The following RBFOX1 variants were observed in gnomAD, a reference collection of about 807,000 sequenced individuals.
The protein encoded by RBFOX1 is RNA binding fox-1 homolog 1, also known as RNA binding protein fox-1 homolog 1.
RBFOX1 carries 8 observed loss-of-function variants against 57.7 expected under a neutral mutation model. That is an observed-to-expected ratio of 0.14 (90% confidence interval 0.08 to 0.25). The LOEUF (loss-of-function observed/expected upper bound fraction) is 0.25, where lower values mean the gene tolerates loss of function less well. Ranked by LOEUF, RBFOX1 falls within the 10% of genes least tolerant of loss-of-function variation. RBFOX1 has a pLI of 1.00. For synonymous variants in RBFOX1, 326 were observed against 222.4 expected, an observed-to-expected ratio of 1.47 and a Z score of -4.15; for missense variants, 611 against 548.5, an observed-to-expected ratio of 1.11 and a Z score of -1.14.
intron 3 of RBFOX1, among the ~76,000 whole-genome samples, chr16:5,810,875 G>GTTTAGAAAAAAAAA (rs1298654070): frequency 6.6e-6 from 1 of 152,142 alleles, no homozygotes; most frequent in African/African-American, 2.4e-5. Flanking sequence ...AAATTATTAA[G>GTTTAGAAAAAAAAA]TTATGATTGG....
chr16:6,073,527 T>C (rs1042796197), intron 1 of RBFOX1, among the ~76,000 whole-genome samples: 2 of 152,228 alleles, frequency 1.3e-5, no homozygotes, highest in South Asian at 2.1e-4. Context: ...AAAATACGTG[T>C]AGCATGTTGA....
At chr16:6,813,263 C>T (rs1004873831) in intron 3 of RBFOX1, among the ~76,000 whole-genome samples, 8 of 152,168 alleles carry the variant, frequency 5.3e-5, no homozygotes, top group African/African-American at 1.7e-4. Context: ...TATTCCAGTT[C>T]TTTCTGGCAG....
At chr16:6,698,947 C>G (rs573677541) in intron 3 of RBFOX1, among the ~76,000 whole-genome samples, 1 of 152,256 alleles carries the variant, frequency 6.6e-6, no homozygotes, top group East Asian at 1.9e-4. Flanking sequence ...CGTACGAAGA[C>G]TCTAGAACAA....
intron 4 of RBFOX1, among the ~76,000 whole-genome samples, chr16:7,106,040 C>G (rs1374965453): frequency 2.6e-5 from 4 of 152,190 alleles, no homozygotes; most frequent in Non-Finnish European, 5.9e-5. Flanking sequence ...GTTCATGGGA[C>G]TGACAGTTCT....
chr16:5,867,149 CAT>C (rs1491360809), intron 3 of RBFOX1, among the ~76,000 whole-genome samples: 3 of 126,790 alleles, frequency 2.4e-5, no homozygotes, highest in African/African-American at 3.5e-5. Flanking sequence ...GAAGAAAATG[CAT>C]GTGTGTGTGT....
At chr16:5,856,187 C>CTCTCTATATATATA (rs1430331422) in intron 3 of RBFOX1, among the ~76,000 whole-genome samples, 3 of 31,068 alleles carry the variant, frequency 9.7e-5, no homozygotes, top group Non-Finnish European at 1.1e-4. Context: ...CTCTCTCTCT[C>CTCTCTATATATATA]TATATATATA....
chr16:6,104,377 C>T (rs1225270460), intron 1 of RBFOX1, among the ~76,000 whole-genome samples: 1 of 152,086 alleles, frequency 6.6e-6, no homozygotes, highest in Non-Finnish European at 1.5e-5. Context: ...AGTCAAGTGA[C>T]ACTATCTTGG....
At chr16:7,332,478 T>C (rs2096710982) in intron 4 of RBFOX1, among the ~76,000 whole-genome samples, 1 of 152,216 alleles carries the variant, frequency 6.6e-6, no homozygotes, top group Non-Finnish European at 1.5e-5. Context: ...TGCCAAACGT[T>C]GCCCACATTA....
At chr16:5,974,533 C>T (rs2060024142) in intron 4 of RBFOX1, among the ~76,000 whole-genome samples, 1 of 152,010 alleles carries the variant, frequency 6.6e-6, no homozygotes, top group African/African-American at 2.4e-5. Flanking sequence ...TCACTCGAAC[C>T]CGGGAGGCGG....
chr16:7,495,143 T>A (rs1001410224), intron 4 of RBFOX1, among the ~76,000 whole-genome samples: 1 of 152,196 alleles, frequency 6.6e-6, no homozygotes, highest in African/African-American at 2.4e-5. Context: ...TGCAAAGACA[T>A]GATTTCATTC....
intron 3 of RBFOX1, among the ~76,000 whole-genome samples, chr16:5,745,432 A>T (rs545272020): frequency 6.6e-6 from 1 of 152,290 alleles, no homozygotes; most frequent in African/African-American, 2.4e-5. Flanking sequence ...TAGCAGCATG[A>T]TTTACAATCC....
At position 7,633,675 on chromosome 16, in the gene RBFOX1, G is replaced by C. The variant is rs12598550; in HGVS notation, c.757+2992G>C. On this transcript the variant is annotated intron_variant, in intron 11 of 15. Transcript: ENST00000550418. ...CAAGGGCATTCAGATGGTCAATCTCGATTAGTATTTTGTAATGGTGACCAA... is the reference window on the plus strand; with the variant it reads ...CAAGGGCATTCAGATGGTCAATCTCCATTAGTATTTTGTAATGGTGACCAA... Among the ~76,000 whole-genome samples the C allele has an allele frequency of 3.3e-5, 5 of 152,158 alleles. No homozygotes were observed. In the East Asian group the frequency reaches 9.7e-4, roughly 29 times the overall value.
chr16:7,550,389 C>A (rs1452387197), intron 5 of RBFOX1, among the ~76,000 whole-genome samples: 2 of 152,056 alleles, frequency 1.3e-5, no homozygotes, highest in African/African-American at 4.8e-5. Flanking sequence ...TGTGACGATG[C>A]CCAGAGGGGG....
At chr16:7,341,626 A>G (rs1318527742) in intron 4 of RBFOX1, among the ~76,000 whole-genome samples, 1 of 152,054 alleles carries the variant, frequency 6.6e-6, no homozygotes, top group Non-Finnish European at 1.5e-5. Context: ...TCCAAAGAAG[A>G]TGGCTTCCTA....
intron 3 of RBFOX1, among the ~76,000 whole-genome samples, chr16:6,889,376 G>A (rs944893546): frequency 5.9e-5 from 9 of 152,202 alleles, no homozygotes; most frequent in African/African-American, 1.9e-4. Flanking sequence ...TCCCTCTGCA[G>A]TAAGGCCAGT....
intron 2 of RBFOX1, among the ~76,000 whole-genome samples, chr16:5,597,055 A>T (rs960749911): frequency 6.6e-6 from 1 of 152,210 alleles, no homozygotes; most frequent in Non-Finnish European, 1.5e-5. Flanking sequence ...TCTTCTCATT[A>T]TAAGTTCAGA....
chr16:7,710,447 G>T, intron 15 of RBFOX1, 176 bp from the exon 16 acceptor site: 1 of 1,436,394 alleles, frequency 7.0e-7, no homozygotes, highest in Non-Finnish European at 9.0e-7. Context: ...AGGAGCTATT[G>T]GGGAAGGTCA....
chr16:6,950,616 T>C (rs1347237502), intron 3 of RBFOX1, among the ~76,000 whole-genome samples: 1 of 152,186 alleles, frequency 6.6e-6, no homozygotes, highest in African/African-American at 2.4e-5. Flanking sequence ...ATGCAGGTGC[T>C]GTGTGCCTTA....
At chr16:6,156,425 G>C (rs538328028) in intron 1 of RBFOX1, among the ~76,000 whole-genome samples, 1 of 152,348 alleles carries the variant, frequency 6.6e-6, no homozygotes, top group African/African-American at 2.4e-5. Context: ...TTCCTTGCCA[G>C]TGATTTGTCT....
Sources: gnomAD v4.1 joint callset for allele counts (sites outside exome capture counted in the v4.1 genomes callset) on GRCh38, gnomAD v4.1.1 for gene constraint, MANE v1.5 for transcripts, NCBI Gene and HGNC (gene_info 2026-07-23, HGNC 2026-07-21) for gene names.